Variants in AMMECR1L observed in about 807,000 individuals in gnomAD.
AMMECR1L encodes the protein AMMECR1-like protein.
A neutral mutation model predicts 36.8 loss-of-function variants in AMMECR1L; 4 were observed. That is an observed-to-expected ratio of 0.11 (90% CI 0.05 to 0.25). The LOEUF (loss-of-function observed/expected upper bound fraction) is 0.25, where lower values mean the gene tolerates loss of function less well. Ranked by LOEUF, AMMECR1L falls within the 10% of genes least tolerant of loss-of-function variation. The pLI, the probability that AMMECR1L is intolerant of heterozygous loss-of-function variation, is 1.00. For synonymous variants in AMMECR1L, 147 were observed against 148.0 expected (o/e 0.99, Z 0.05); for missense variants, 232 against 392.1 (o/e 0.59, Z 3.45).
rs1690613069 is a variant in AMMECR1L at position 127,864,827 on chromosome 2, T to C, written c.*267A>G. Reference sequence around the variant, plus strand: ...CAAGGGTCTTCTGAACCCACAGTAATTCCCACTAGTCATGGAGGAGCCCCA... The same window carrying C: ...CAAGGGTCTTCTGAACCCACAGTAACTCCCACTAGTCATGGAGGAGCCCCA... On this transcript the variant is annotated 3_prime_UTR_variant, in exon 8 of 8. Transcript: ENST00000272647. 7.4e-6 allele frequency: 2 copies of C among 271,046 alleles called. No individual in the cohort carries two copies. Among genetic ancestry groups the C allele is most frequent in the Non-Finnish European group, 7.0e-6 (1 of 141,848 alleles). The allele number at this position is 271,046 out of a possible 1,614,324, so 16.8% of individuals were successfully genotyped here.
At position 127,869,576 on chromosome 2, in the gene AMMECR1L, A is replaced by G; in HGVS notation, c.634-32T>C. 1 of 1,548,686 alleles carries G rather than the reference A, an allele frequency of 6.5e-7. No individual in the cohort carries two copies. The highest frequency in any genetic ancestry group is 8.9e-7 in the Non-Finnish European group (1 of 1,120,424). On this transcript the variant is annotated intron_variant, in intron 5 of 7. Coordinates refer to ENST00000272647, the MANE Select transcript of AMMECR1L (RefSeq NM_001199140.2). The surrounding 1 kb of genome is among the most constrained non-coding windows in gnomAD (Gnocchi z 4.7). The stretch of plus-strand genomic sequence containing the variant: ...AAAAAAGTACAACCAAGTAAATGGC[A>G]TTTACTTACTCTAATGGAACTTCAG...
intron 6 of AMMECR1L, among the ~76,000 whole-genome samples, chr2:127,868,391 A>G (rs1271533854): frequency 6.6e-6 from 1 of 152,222 alleles, no homozygotes; most frequent in Non-Finnish European, 1.5e-5. Flanking sequence ...AGAGGTGGCT[A>G]AAAGGTTTGC....
In AMMECR1L at chr2:127,865,661, T is replaced by C. The variant is rs144349747; in HGVS notation, c.822-456A>G. 6.6e-6 allele frequency among the ~76,000 whole-genome samples: 1 copy of C among 152,320 alleles called. No individual in the cohort carries two copies. Among genetic ancestry groups the C allele is most frequent in the East Asian group, 1.9e-4 (1 of 5,188 alleles). On this transcript the variant is annotated intron_variant, in intron 7 of 7. Transcript: ENST00000272647. This position sits in a 1 kb window ranked among gnomAD's most constrained non-coding sequence, Gnocchi z 5.4. The stretch of plus-strand genomic sequence containing the variant: ...CGTAAGAGCAACAAACAAGTTATTA[T>C]AACTAAAAGGGACACAGATACCTAA...
intron 2 of AMMECR1L, among the ~76,000 whole-genome samples, chr2:127,876,685 T>C (rs568396575): frequency 9.2e-5 from 14 of 152,140 alleles, no homozygotes; most frequent in Non-Finnish European, 1.5e-4. Context: ...ATAATAATAG[T>C]ATTTGCTTCC....
chr2:127,884,159 C>T (rs908572594), intron 2 of AMMECR1L, 44 bp downstream of exon 2: 3 of 152,206 alleles, frequency 2.0e-5, no homozygotes, highest in African/African-American at 4.8e-5. Flanking sequence ...AAATCAAAAA[C>T]TACAACGATG....
At chr2:127,880,494 G>A (rs541614811) in intron 2 of AMMECR1L, among the ~76,000 whole-genome samples, 2 of 152,098 alleles carry the variant, frequency 1.3e-5, no homozygotes, top group East Asian at 1.9e-4. Flanking sequence ...GTGATGCTGC[G>A]GCGTCCTCAT....
intron 1 of AMMECR1L, chr2:127,885,505 G>A (rs1352374206): frequency 6.1e-6 from 6 of 984,128 alleles, no homozygotes; most frequent in African/African-American, 3.5e-5. Flanking sequence ...TTCCTGGAGG[G>A]AGTGCAGACA....
At chr2:127,879,283 C>T (rs960840393) in intron 2 of AMMECR1L, among the ~76,000 whole-genome samples, 1 of 152,194 alleles carries the variant, frequency 6.6e-6, no homozygotes, top group Non-Finnish European at 1.5e-5. Context: ...TTAGGACCAA[C>T]CTTTGGTGCT....
chr2:127,877,212 C>T (rs1691287563), intron 2 of AMMECR1L, among the ~76,000 whole-genome samples: 1 of 151,934 alleles, frequency 6.6e-6, no homozygotes, highest in African/African-American at 2.4e-5. Flanking sequence ...GCAGAGCTTG[C>T]ACAGAGCACA....
intron 2 of AMMECR1L, among the ~76,000 whole-genome samples, chr2:127,877,645 G>A (rs911513654): frequency 6.6e-6 from 1 of 151,800 alleles, no homozygotes; most frequent in Non-Finnish European, 1.5e-5. Context: ...CCAGAACTAG[G>A]ATTTAGATCA....
intron 6 of AMMECR1L, chr2:127,867,317 T>C (rs1302281249): frequency 1.0e-6 from 1 of 985,226 alleles, no homozygotes; most frequent in African/African-American, 1.7e-5. Context: ...ACCAGCCTAT[T>C]GGCCTAGTGC....
rs1690537196 is a variant in AMMECR1L, at chr2:127,863,163, C to T, written c.*1931G>A. ...CAAATTGGAGGTGGGTGGCTTAGTC[C>T]AGAGCTGACCACCCTGACATCGATC... On this transcript the variant is annotated 3_prime_UTR_variant, in exon 8 of 8. Coordinates refer to ENST00000272647, the MANE Select transcript of AMMECR1L (RefSeq NM_001199140.2). 6.6e-6 allele frequency: 1 copy of T among 152,498 alleles called. No individual in the cohort carries two copies. Among genetic ancestry groups the T allele is most frequent in the African/African-American group, 2.4e-5 (1 of 41,430 alleles). The allele number at this position is 152,498 out of a possible 1,614,324, so 9.4% of individuals were successfully genotyped here. A position where few individuals can be genotyped will look rare whatever the true frequency, so the allele number is the denominator to read the frequency against.
At chr2:127,875,043 T>G (rs1273025412) in intron 2 of AMMECR1L, among the ~76,000 whole-genome samples, 2 of 152,254 alleles carry the variant, frequency 1.3e-5, no homozygotes, top group Non-Finnish European at 2.9e-5. Flanking sequence ...GTTTCTGCCC[T>G]GTCATAGCCA....
intron 2 of AMMECR1L, among the ~76,000 whole-genome samples, chr2:127,876,871 G>C (rs1174008524): frequency 6.6e-6 from 1 of 151,922 alleles, no homozygotes; most frequent in Non-Finnish European, 1.5e-5. Context: ...TACAAAATTA[G>C]CTGGGCATGG....
chr2:127,868,180 A>G (rs1003559455), intron 6 of AMMECR1L, among the ~76,000 whole-genome samples: 2 of 152,216 alleles, frequency 1.3e-5, no homozygotes, highest in Non-Finnish European at 2.9e-5. Flanking sequence ...TTCTTAACAG[A>G]TAAAACCAAC....
At position 127,864,307 on chromosome 2, in the gene AMMECR1L, T is replaced by C. The variant is rs1391150390; in HGVS notation, c.*787A>G. On this transcript the variant is annotated 3_prime_UTR_variant, in exon 8 of 8. Coordinates refer to ENST00000272647, the MANE Select transcript of AMMECR1L (RefSeq NM_001199140.2). ...CTCACACCTGCGTGCAGTGATGACA[T>C]CAGGACCTCCTGTGGGCATCTCCAT... 1 of 152,698 alleles carries C rather than the reference T, an allele frequency of 6.5e-6. No individual in the cohort carries two copies. The highest frequency in any genetic ancestry group is 6.5e-5 in the Admixed American group (1 of 15,290). The allele number at this position is 152,698 out of a possible 1,614,324, so 9.5% of individuals were successfully genotyped here. A position where few individuals can be genotyped will look rare whatever the true frequency, so the allele number is the denominator to read the frequency against.
chr2:127,869,347 T>C lies in AMMECR1L; in HGVS notation c.724+107A>G. On this transcript the variant is annotated intron_variant, in intron 6 of 7. Transcript: ENST00000272647. This position sits in a 1 kb window ranked among gnomAD's most constrained non-coding sequence, Gnocchi z 4.7. ...GTATTAAGAGGCAGAAAGGCCCTCATTCTCAGCTGCAGTTGGGCTGCAAGA... is the reference window on the plus strand; with the variant it reads ...GTATTAAGAGGCAGAAAGGCCCTCACTCTCAGCTGCAGTTGGGCTGCAAGA... The C allele has an allele frequency of 9.3e-7, 1 of 1,076,670 alleles. No homozygotes were observed. Among genetic ancestry groups the C allele is most frequent in the Non-Finnish European group, 1.4e-6 (1 of 706,752 alleles). 66.7% of individuals were successfully genotyped at this position (1,076,670 alleles called of 1,614,324 possible).
chr2:127,876,202 T>C (rs1011181279), intron 2 of AMMECR1L, among the ~76,000 whole-genome samples: 1 of 151,836 alleles, frequency 6.6e-6, no homozygotes, highest in East Asian at 1.9e-4. Context: ...TAAAAAAAAT[T>C]AGCTGAGCAT....
Position 127,871,857 on chromosome 2 carries a change from A to G in AMMECR1L, c.408-498T>C, listed in dbSNP as rs914083154. ...TTTCCACTCACAAATTTTCAGAAAA[A>G]AAAGTTCCCTCAAAAAACATTTTTT... is the stretch of plus-strand genomic sequence containing the variant. On this transcript the variant is annotated intron_variant, in intron 3 of 7. Coordinates refer to ENST00000272647, the MANE Select transcript of AMMECR1L (RefSeq NM_001199140.2). The surrounding 1 kb of genome is among the most constrained non-coding windows in gnomAD (Gnocchi z 4.3). Among the ~76,000 whole-genome samples, 1 of 152,168 alleles carries G rather than the reference A, an allele frequency of 6.6e-6. No homozygotes were observed. Among genetic ancestry groups the G allele is most frequent in the Non-Finnish European group, 1.5e-5 (1 of 68,036 alleles).
Sources: allele counts gnomAD v4.1 joint callset (sites outside exome capture counted in the v4.1 genomes callset), GRCh38; gene constraint gnomAD v4.1.1; non-coding constraint Gnocchi (gnomAD v3.1); transcripts MANE v1.5; gene names NCBI Gene and HGNC (gene_info 2026-07-23, HGNC 2026-07-21).